The following CADPS variants were observed in gnomAD, a reference collection of about 807,000 sequenced individuals.
The protein encoded by CADPS is calcium-dependent secretion activator 1.
A neutral mutation model predicts 167.3 loss-of-function variants in CADPS; 57 were observed. The observed-to-expected ratio is 0.34, with a 90% CI of 0.28 to 0.42. CADPS has a LOEUF of 0.42. Ranked by LOEUF, CADPS falls within the 20% of genes least tolerant of loss-of-function variation. CADPS has a pLI of 1.00. For synonymous variants in CADPS, 676 were observed against 635.3 expected, an observed-to-expected ratio of 1.06 and a Z score of -0.96; for missense variants, 1,414 against 1,738.1, an observed-to-expected ratio of 0.81 and a Z score of 3.32.
intron 28 of CADPS, among the ~76,000 whole-genome samples, chr3:62,425,302 C>T (rs1179825332): frequency 1.3e-5 from 2 of 152,104 alleles, no homozygotes; most frequent in Non-Finnish European, 2.9e-5. Context: ...ATGTTCACCG[C>T]CTATCCATTA....
chr3:62,528,408 A>G (rs150841235), intron 13 of CADPS, among the ~76,000 whole-genome samples: 2 of 152,178 alleles, frequency 1.3e-5, no homozygotes, highest in Non-Finnish European at 2.9e-5. Context: ...TATCAACAGC[A>G]CTTCACTTAG....
At chr3:62,414,227 T>C (rs1180018312) in intron 28 of CADPS, among the ~76,000 whole-genome samples, 1 of 152,132 alleles carries the variant, frequency 6.6e-6, no homozygotes, top group Non-Finnish European at 1.5e-5. Flanking sequence ...CCCCTGTCCC[T>C]TATCCACCAG....
intron 21 of CADPS, among the ~76,000 whole-genome samples, chr3:62,484,193 T>G (rs2150914381): frequency 6.6e-6 from 1 of 152,330 alleles, no homozygotes; most frequent in African/African-American, 2.4e-5. Flanking sequence ...ATGCTCTACT[T>G]TTAAAAGGAT....
intron 1 of CADPS, among the ~76,000 whole-genome samples, chr3:62,783,603 C>A (rs1020789881): frequency 4.6e-5 from 7 of 152,078 alleles, no homozygotes; most frequent in Non-Finnish European, 1.0e-4. Context: ...TTTTCTTAAC[C>A]TGTTAGACAC....
intron 1 of CADPS, among the ~76,000 whole-genome samples, chr3:62,830,905 G>A (rs2074955095): frequency 6.6e-6 from 1 of 152,106 alleles, no homozygotes; most frequent in African/African-American, 2.4e-5. Context: ...TGCAAATTGT[G>A]GACTTTGCCA....
chr3:62,723,898 G>A (rs898552615), intron 3 of CADPS, among the ~76,000 whole-genome samples: 1 of 152,206 alleles, frequency 6.6e-6, no homozygotes, highest in Non-Finnish European at 1.5e-5. Context: ...GGAGGCCTTG[G>A]AGAGGCTTTG....
chr3:62,741,640 G>C (rs1460731774), intron 3 of CADPS, among the ~76,000 whole-genome samples: 1 of 152,086 alleles, frequency 6.6e-6, no homozygotes, highest in East Asian at 1.9e-4. Flanking sequence ...AATAAGAGCT[G>C]TCTATGACAA....
intron 1 of CADPS, among the ~76,000 whole-genome samples, chr3:62,846,657 G>C (rs1050621383): frequency 6.6e-6 from 1 of 151,992 alleles, no homozygotes; most frequent in Non-Finnish European, 1.5e-5. Context: ...TTGTTTTTTG[G>C]TATTTTTTTG....
At chr3:62,709,700 C>T (rs566876397) in intron 3 of CADPS, among the ~76,000 whole-genome samples, 2 of 152,248 alleles carry the variant, frequency 1.3e-5, no homozygotes, top group African/African-American at 4.8e-5. Flanking sequence ...TTTCAACACG[C>T]TCCCCAAGTG....
At position 62,867,099 on chromosome 3, in the gene CADPS, T is replaced by C. The variant is rs147564112; in HGVS notation, c.441+7490A>G. ...ACAAACATAAAAGCATTTTATGAGTTCATTTTTAATGGTAACAATCAATAT... is the reference window on the plus strand; with the variant it reads ...ACAAACATAAAAGCATTTTATGAGTCCATTTTTAATGGTAACAATCAATAT... On this transcript the variant is annotated intron_variant, in intron 1 of 29. Coordinates refer to ENST00000383710, the MANE Select transcript of CADPS (RefSeq NM_003716.4). 3.3e-3 allele frequency among the ~76,000 whole-genome samples: 504 copies of C among 152,214 alleles called. 5 individuals carry two copies. The highest frequency in any genetic ancestry group is 3.3e-3 in the Non-Finnish European group (223 of 67,952).
At chr3:62,529,723 A>G (rs2073211225) in intron 13 of CADPS, among the ~76,000 whole-genome samples, 1 of 152,184 alleles carries the variant, frequency 6.6e-6, no homozygotes, top group South Asian at 2.1e-4. Flanking sequence ...AAAAGTTTGC[A>G]TTTTCATTTG....
chr3:62,728,048 T>A (rs1048395215), intron 3 of CADPS, among the ~76,000 whole-genome samples: 1 of 151,964 alleles, frequency 6.6e-6, no homozygotes, highest in Middle Eastern at 3.4e-3. Context: ...CAATAGAGCA[T>A]ATGGTACTGT....
chr3:62,821,933 T>C (rs538390901), intron 1 of CADPS, among the ~76,000 whole-genome samples: 2 of 152,316 alleles, frequency 1.3e-5, no homozygotes, highest in South Asian at 4.1e-4. Context: ...GTTCTAGGAA[T>C]GAGGTCTCTG....
intron 6 of CADPS, among the ~76,000 whole-genome samples, chr3:62,609,196 G>A (rs927986478): frequency 6.6e-6 from 1 of 151,578 alleles, no homozygotes; most frequent in Admixed American, 6.6e-5. Flanking sequence ...ACAAATGTTA[G>A]TTGATCTTTT....
intron 11 of CADPS, 51 bp from the exon 12 acceptor site, chr3:62,536,632 A>G (rs1244012390): frequency 1.3e-6 from 2 of 1,573,680 alleles, no homozygotes; most frequent in Non-Finnish European, 8.7e-7. Flanking sequence ...AACACATCAC[A>G]TTTTCTTTGA....
At chr3:62,848,805 A>AC (rs1166719716) in intron 1 of CADPS, among the ~76,000 whole-genome samples, 4 of 113,704 alleles carry the variant, frequency 3.5e-5, no homozygotes, top group African/African-American at 1.4e-4. Flanking sequence ...AGTTTTTTCC[A>AC]ATTCTGTGAA....
At chr3:62,817,879 A>C (rs1279360955) in intron 1 of CADPS, among the ~76,000 whole-genome samples, 1 of 152,146 alleles carries the variant, frequency 6.6e-6, no homozygotes, top group Admixed American at 6.5e-5. Flanking sequence ...CCAAGTTCAA[A>C]TGTCTATATT....
rs138055445 is a variant in CADPS, at chr3:62,576,788, T to TAAAAAAAAAAAAA, written c.1578-5863_1578-5851dup. 1.7e-3 allele frequency among the ~76,000 whole-genome samples: 51 copies of TAAAAAAAAAAAAA among 29,852 alleles called. 6 individuals carry two copies. Among genetic ancestry groups the TAAAAAAAAAAAAA allele is most frequent in the African/African-American group, 4.0e-3 (33 of 8,198 alleles). The allele number at this position is 29,852 out of a possible 152,430, so 19.6% of individuals were successfully genotyped here. A position where few individuals can be genotyped will look rare whatever the true frequency, so the allele number is the denominator to read the frequency against. On this transcript the variant is annotated intron_variant, in intron 8 of 29. Transcript: ENST00000383710. Reference sequence around the variant, plus strand: ...CTGGGTGACAGAGCAAGACTCTGTCTAAAAAAAAAAAAAAAAAAAAAAAAA... The same window carrying TAAAAAAAAAAAAA: ...CTGGGTGACAGAGCAAGACTCTGTCTAAAAAAAAAAAAAAAAAAAAAAAAAAAAAAAAAAAAAA...
intron 1 of CADPS, among the ~76,000 whole-genome samples, chr3:62,801,652 C>G (rs1198250404): frequency 6.6e-6 from 1 of 152,114 alleles, no homozygotes; most frequent in Non-Finnish European, 1.5e-5. Flanking sequence ...ATAATAGTAG[C>G]TACCACTTAT....
Sources: gnomAD v4.1 joint callset for allele counts (sites outside exome capture counted in the v4.1 genomes callset) on GRCh38, gnomAD v4.1.1 for gene constraint, MANE v1.5 for transcripts, NCBI Gene and HGNC (gene_info 2026-07-23, HGNC 2026-07-21) for gene names.